Variants in ATRNL1 observed in about 807,000 individuals in gnomAD.
ATRNL1 encodes the protein attractin like 1.
A neutral mutation model predicts 182.7 loss-of-function variants in ATRNL1; 95 were observed. The ratio of observed to expected loss-of-function variants is 0.52; its 90% CI spans 0.44 to 0.62. The LOEUF (loss-of-function observed/expected upper bound fraction) is 0.62, where lower values mean the gene tolerates loss of function less well. ATRNL1 is among the 20% of genes least tolerant of loss of function. The pLI, the probability that ATRNL1 is intolerant of heterozygous loss-of-function variation, is 0.00. For missense variants in ATRNL1, 1,471 were observed against 1,679.5 expected, an observed-to-expected ratio of 0.88 and a Z score of 2.17; for synonymous variants, 576 against 568.3, an observed-to-expected ratio of 1.01 and a Z score of -0.19.
At chr10:115,726,228 A>G (rs147503149) in intron 26 of ATRNL1, among the ~76,000 whole-genome samples, 209 of 152,304 alleles carry the variant, frequency 1.4e-3, no homozygotes, top group Admixed American at 2.7e-3. Flanking sequence ...ATTTACATTC[A>G]AAGACTAGTA....
At chr10:115,311,725 G>C (rs1316872315) in intron 17 of ATRNL1, among the ~76,000 whole-genome samples, 3 of 152,046 alleles carry the variant, frequency 2.0e-5, no homozygotes, top group Non-Finnish European at 2.9e-5. Context: ...CACCATTATT[G>C]TGCTGCTGTC....
intron 9 of ATRNL1, among the ~76,000 whole-genome samples, chr10:115,223,929 A>ATATATATATATATATATTT (rs1420143943): frequency 2.2e-5 from 1 of 44,714 alleles, no homozygotes; most frequent in African/African-American, 9.2e-5. Flanking sequence ...ATATATATAT[A>ATATATATATATATATATTT]TTTTTTTTTT....
Position 115,120,202 on chromosome 10 carries a change from G to A in ATRNL1, c.311G>A (p.Gly104Glu). The A allele has an allele frequency of 6.4e-6, 10 of 1,560,440 alleles. No individual in the cohort carries two copies. Among genetic ancestry groups the A allele is most frequent in the Non-Finnish European group, 8.8e-6 (10 of 1,136,378 alleles). Residue 104 changes from glycine to glutamate, a missense_variant, in exon 2 of 29, where the codon GGA becomes GAA. Gly to Glu is a moderately conservative substitution (Grantham distance 98). Transcript: ENST00000355044. ...TCTTCCAGGTTAACAGAACCTTCTGGATATTTAACAGATGGCCCAATTAAC... is the reference window on the plus strand; with the variant it reads ...TCTTCCAGGTTAACAGAACCTTCTGAATATTTAACAGATGGCCCAATTAAC... ...QGRFKLTEPSGYLTDGPINYK... is the reference protein window; with the variant it reads ...QGRFKLTEPSEYLTDGPINYK...
chr10:115,344,474 C>G (rs1564935134), intron 19 of ATRNL1, among the ~76,000 whole-genome samples: 1 of 151,992 alleles, frequency 6.6e-6, no homozygotes, highest in Non-Finnish European at 1.5e-5. Flanking sequence ...CCTAAGGGCT[C>G]TTAAGTAAGC....
At chr10:115,483,026 C>A (rs889392364) in intron 24 of ATRNL1, among the ~76,000 whole-genome samples, 1 of 151,192 alleles carries the variant, frequency 6.6e-6, no homozygotes, top group Admixed American at 6.6e-5. Flanking sequence ...TATGTTTTAA[C>A]ATTTCTGGAC....
At chr10:115,751,663 A>C (rs1948452203) in intron 27 of ATRNL1, among the ~76,000 whole-genome samples, 1 of 152,078 alleles carries the variant, frequency 6.6e-6, no homozygotes, top group South Asian at 2.1e-4. Context: ...AATTGGTTGA[A>C]AGAAGTGTGG....
intron 27 of ATRNL1, among the ~76,000 whole-genome samples, chr10:115,781,836 A>T (rs1387393807): frequency 6.6e-6 from 1 of 152,160 alleles, no homozygotes; most frequent in Non-Finnish European, 1.5e-5. Context: ...ATAACAACCC[A>T]TCCATTTAAA....
Position 115,519,302 on chromosome 10 carries a change from C to A in ATRNL1, c.3694C>A (p.Gln1232Lys). The change falls in exon 25 of 29, where the codon CAG becomes AAG. Residue 1232 changes from glutamine to lysine, a missense_variant. Gln to Lys is a moderately conservative substitution (Grantham distance 53). Around this residue, in one of 3 missense-constraint regions of ATRNL1, gnomAD observed 437 missense variants for 506.0 expected, o/e 0.86. Coordinates refer to ENST00000355044, the MANE Select transcript of ATRNL1 (RefSeq NM_207303.4). The part of the protein sequence containing the change: ...SQHNTIMDLV[Q>K]FFVTFFSCFL... ...ACACAATACAATCATGGACCTTGTGCAGTTTTTTGTCACCTTCTTCAGGTA... is the reference window on the plus strand; with the variant it reads ...ACACAATACAATCATGGACCTTGTGAAGTTTTTTGTCACCTTCTTCAGGTA... The A allele has an allele frequency of 6.2e-7, 1 of 1,610,470 alleles. No individual in the cohort carries two copies. The highest frequency in any genetic ancestry group is 2.2e-5 in the East Asian group (1 of 44,670).
chr10:115,125,074 T>A (rs1844907047), intron 3 of ATRNL1, among the ~76,000 whole-genome samples: 1 of 152,130 alleles, frequency 6.6e-6, no homozygotes, highest in South Asian at 2.1e-4. Flanking sequence ...TTAAAGAGCA[T>A]TATATTTTAG....
chr10:115,454,637 G>A (rs1376969145), intron 21 of ATRNL1, among the ~76,000 whole-genome samples: 3 of 151,984 alleles, frequency 2.0e-5, no homozygotes, highest in Non-Finnish European at 4.4e-5. Context: ...TTATTTATAA[G>A]TATTTTATTT....
chr10:115,846,330 A>G (rs1555098755), intron 27 of ATRNL1, among the ~76,000 whole-genome samples: 2 of 152,066 alleles, frequency 1.3e-5, no homozygotes, highest in East Asian at 1.9e-4. Context: ...AACCATTGTC[A>G]CCAGAAATTT....
At chr10:115,719,825 A>T (rs545483122) in intron 26 of ATRNL1, among the ~76,000 whole-genome samples, 1 of 151,286 alleles carries the variant, frequency 6.6e-6, no homozygotes, top group South Asian at 2.1e-4. Context: ...GAAAAATTCA[A>T]ATTTTGGTAA....
At chr10:115,359,263 A>G (rs553394419) in intron 19 of ATRNL1, among the ~76,000 whole-genome samples, 1 of 151,660 alleles carries the variant, frequency 6.6e-6, no homozygotes, top group Non-Finnish European at 1.5e-5. Flanking sequence ...ACATTCTTGT[A>G]TGCTCACTAT....
At chr10:115,782,651 T>C (rs1251570675) in intron 27 of ATRNL1, among the ~76,000 whole-genome samples, 1 of 152,216 alleles carries the variant, frequency 6.6e-6, no homozygotes, top group Non-Finnish European at 1.5e-5. Context: ...TCTGTCATGT[T>C]CTTGATTCTA....
chr10:115,905,282 G>A (rs1952467711), intron 28 of ATRNL1, among the ~76,000 whole-genome samples: 1 of 152,024 alleles, frequency 6.6e-6, no homozygotes, highest in African/African-American at 2.4e-5. Flanking sequence ...GTACAGTGGT[G>A]CAATCATGGC....
intron 28 of ATRNL1, among the ~76,000 whole-genome samples, chr10:115,854,951 C>G (rs1249831098): frequency 6.6e-6 from 1 of 152,118 alleles, no homozygotes; most frequent in Non-Finnish European, 1.5e-5. Flanking sequence ...CATACCTTTG[C>G]AGACTTTTCA....
At chr10:115,722,376 A>G (rs1178952228) in intron 26 of ATRNL1, among the ~76,000 whole-genome samples, 3 of 152,136 alleles carry the variant, frequency 2.0e-5, no homozygotes, top group African/African-American at 7.2e-5. Flanking sequence ...AAAGCAGAAG[A>G]TTTCCAATAT....
rs574248472 is a variant in ATRNL1, at chr10:115,810,901, A to G, written c.3904-36976A>G. Among the ~76,000 whole-genome samples, 5 of 151,970 alleles carry G rather than the reference A, an allele frequency of 3.3e-5. No homozygotes were observed. The South Asian group carries it at 1.0e-3, about 31-fold the overall frequency. ...TTTCTTTTTCTTGGTCTGTCTGGCT[A>G]GAGATTTATCATATTTATTGATATT... On this transcript the variant is annotated intron_variant, in intron 27 of 28. Transcript: ENST00000355044.
At chr10:115,853,967 TC>T (rs1348943142) in intron 28 of ATRNL1, among the ~76,000 whole-genome samples, 8 of 152,188 alleles carry the variant, frequency 5.3e-5, no homozygotes, top group Non-Finnish European at 1.0e-4. Flanking sequence ...TTATTGTGAA[TC>T]CCCACTTGCT....
Sources: allele counts gnomAD v4.1 joint callset (sites outside exome capture counted in the v4.1 genomes callset), GRCh38; gene constraint gnomAD v4.1.1; regional missense constraint gnomAD v4.1.1; transcripts MANE v1.5; gene names NCBI Gene and HGNC (gene_info 2026-07-23, HGNC 2026-07-21).